The following EMID1 variants were observed in gnomAD, a reference collection of about 807,000 sequenced individuals.
The protein encoded by EMID1 is EMI domain containing 1, also known as EMI domain-containing protein 1.
EMID1 carries 40 observed loss-of-function variants against 60.6 expected under a neutral mutation model. The ratio of observed to expected loss-of-function variants is 0.66; its 90% CI spans 0.51 to 0.86. EMID1 has a LOEUF of 0.86. EMID1 is among the 40% of genes least tolerant of loss of function. The pLI is 0.00. For synonymous variants in EMID1, 242 were observed against 231.0 expected, an observed-to-expected ratio of 1.05 and a Z score of -0.43; for missense variants, 585 against 597.1, an observed-to-expected ratio of 0.98 and a Z score of 0.21.
intron 3 of EMID1, among the ~76,000 whole-genome samples, chr22:29,223,085 C>A (rs909417200): frequency 6.6e-6 from 1 of 151,638 alleles, no homozygotes; most frequent in Non-Finnish European, 1.5e-5. Flanking sequence ...AGCGAGACTC[C>A]GTCTCAAAAA....
chr22:29,240,423 G>A (rs1263418540), intron 12 of EMID1, among the ~76,000 whole-genome samples: 1 of 152,056 alleles, frequency 6.6e-6, no homozygotes, highest in Non-Finnish European at 1.5e-5. Context: ...TGGGGTCCAG[G>A]GTCAAGAACC....
chr22:29,255,457 G>T, intron 14 of EMID1: 1 of 909,190 alleles, frequency 1.1e-6, no homozygotes, highest in Non-Finnish European at 1.5e-6. Context: ...CTTGGCCCAG[G>T]CCAGCGGACA....
At chr22:29,239,586 G>A (rs1287387052) in intron 12 of EMID1, among the ~76,000 whole-genome samples, 1 of 152,172 alleles carries the variant, frequency 6.6e-6, no homozygotes, top group Non-Finnish European at 1.5e-5. Flanking sequence ...AGGTTCTGAT[G>A]TTTGTTGAAT....
chr22:29,259,075 G>T lies in EMID1; in HGVS notation c.*131G>T. On this transcript the variant is annotated 3_prime_UTR_variant, in exon 15 of 15. Coordinates refer to ENST00000334018, the MANE Select transcript of EMID1 (RefSeq NM_133455.4). Reference sequence around the variant, plus strand: ...GGTCCCTTCTGCCATCTAGGCCTTAGGGGTAAGCAGGTCTCAGTCCTGGCA... The same window carrying T: ...GGTCCCTTCTGCCATCTAGGCCTTATGGGTAAGCAGGTCTCAGTCCTGGCA... The T allele has an allele frequency of 7.3e-7, 1 of 1,377,340 alleles. No individual in the cohort carries two copies. Among genetic ancestry groups the T allele is most frequent in the Non-Finnish European group, 9.8e-7 (1 of 1,024,236 alleles). 85.3% of individuals were successfully genotyped at this position (1,377,340 alleles called of 1,614,324 possible). A position where few individuals can be genotyped will look rare whatever the true frequency, so the allele number is the denominator to read the frequency against.
At chr22:29,233,217 C>T in intron 8 of EMID1, 162 bp from the exon 9 acceptor site, 2 of 712,008 alleles carry the variant, frequency 2.8e-6, no homozygotes, top group Non-Finnish European at 4.9e-6. Context: ...GCGGGACCAA[C>T]ACTCTCCACA....
At chr22:29,229,181 A>G (rs570637570) in intron 5 of EMID1, among the ~76,000 whole-genome samples, 15 of 151,916 alleles carry the variant, frequency 9.9e-5, no homozygotes, top group African/African-American at 3.4e-4. Context: ...ATCTCTACAA[A>G]AAATTAGCTA....
At chr22:29,245,944 G>A (rs939742676) in intron 13 of EMID1, among the ~76,000 whole-genome samples, 8 of 152,148 alleles carry the variant, frequency 5.3e-5, no homozygotes, top group Admixed American at 6.5e-5. Flanking sequence ...CCTGGAGCTG[G>A]GCACTGTTTA....
At chr22:29,240,136 T>C (rs2041099939) in intron 12 of EMID1, among the ~76,000 whole-genome samples, 1 of 152,206 alleles carries the variant, frequency 6.6e-6, no homozygotes, top group African/African-American at 2.4e-5. Context: ...TTAGATGAGC[T>C]TGTGCCCTTG....
intron 12 of EMID1, 124 bp from the exon 13 acceptor site, chr22:29,243,321 C>T: frequency 2.1e-6 from 2 of 962,162 alleles, no homozygotes; most frequent in South Asian, 1.6e-5. Flanking sequence ...GTATCCAATA[C>T]AAGCTACTTT....
intron 5 of EMID1, among the ~76,000 whole-genome samples, chr22:29,227,232 A>T (rs2041412532): frequency 1.3e-5 from 2 of 152,078 alleles, no homozygotes; most frequent in Admixed American, 1.3e-4. Context: ...CTGGGACCAT[A>T]GGTGAACAAT....
intron 1 of EMID1, among the ~76,000 whole-genome samples, chr22:29,214,553 C>G (rs2040012325): frequency 6.6e-6 from 1 of 152,162 alleles, no homozygotes; most frequent in Admixed American, 6.5e-5. Flanking sequence ...AGAGGCCACT[C>G]ACTGTAGTTG....
chr22:29,227,253 G>A (rs1158785071), intron 5 of EMID1, among the ~76,000 whole-genome samples: 7 of 151,852 alleles, frequency 4.6e-5, no homozygotes, highest in African/African-American at 1.7e-4. Flanking sequence ...ACCACATCCA[G>A]CTAATTTTTA....
At chr22:29,254,983 C>T (rs767372082) in intron 14 of EMID1, among the ~76,000 whole-genome samples, 47 of 152,296 alleles carry the variant, frequency 3.1e-4, no homozygotes, top group Non-Finnish European at 5.6e-4. Flanking sequence ...CCCTTTGGTC[C>T]TCCTAACCTG....
Position 29,226,541 on chromosome 22 carries a change from T to A in EMID1, c.455T>A (p.Leu152Gln), listed in dbSNP as rs760065887. The A allele has an allele frequency of 6.2e-7, 1 of 1,612,220 alleles. No homozygotes were observed. The highest frequency in any genetic ancestry group is 1.1e-5 in the South Asian group (1 of 90,808). ...GAGCTGACAGAGCGGCTGAAGGTGC[T>A]GGAGGCCAAGGTGGGTGAGCAGCTC... ...VSELTERLKV[L>Q]EAKMTMLTVI... Residue 152 changes from leucine to glutamine, a missense_variant, in exon 5 of 15, where the codon CTG (leucine) becomes CAG (glutamine). Coordinates refer to ENST00000334018, the MANE Select transcript of EMID1 (RefSeq NM_133455.4).
chr22:29,234,589 A>G (rs559468150), intron 12 of EMID1, among the ~76,000 whole-genome samples: 2 of 150,210 alleles, frequency 1.3e-5, no homozygotes, highest in African/African-American at 2.5e-5. Context: ...TGTCTCTTTG[A>G]CTCTGTATTT....
At chr22:29,225,829 C>G (rs1467995837) in intron 4 of EMID1, among the ~76,000 whole-genome samples, 2 of 152,226 alleles carry the variant, frequency 1.3e-5, no homozygotes, top group African/African-American at 4.8e-5. Flanking sequence ...GGGCCAGCAG[C>G]TGGGAGGCTC....
At position 29,233,483 on chromosome 22, in the gene EMID1, G is replaced by A; in HGVS notation, c.913+15G>A. ...AGGGCCCATGGGTAAGTTGAGTCCAGGCCAGGGGTAAAGGGTGAAGTTGGT... is the reference window on the plus strand; with the variant it reads ...AGGGCCCATGGGTAAGTTGAGTCCAAGCCAGGGGTAAAGGGTGAAGTTGGT... On this transcript the variant is annotated intron_variant, in intron 9 of 14. Coordinates refer to ENST00000334018, the MANE Select transcript of EMID1 (RefSeq NM_133455.4). 1 of 1,613,498 alleles carries A rather than the reference G, an allele frequency of 6.2e-7. No individual in the cohort carries two copies. Among genetic ancestry groups the A allele is most frequent in the Non-Finnish European group, 8.5e-7 (1 of 1,179,394 alleles).
At chr22:29,245,037 G>C (rs2041282232) in intron 13 of EMID1, among the ~76,000 whole-genome samples, 1 of 151,646 alleles carries the variant, frequency 6.6e-6, no homozygotes, top group Non-Finnish European at 1.5e-5. Context: ...CTTGATTGTG[G>C]GGTCAGTGAT....
At chr22:29,250,338 C>T (rs1444700449) in intron 13 of EMID1, among the ~76,000 whole-genome samples, 1 of 152,200 alleles carries the variant, frequency 6.6e-6, no homozygotes, top group Non-Finnish European at 1.5e-5. Context: ...TCTCTTTTAA[C>T]TTAGAACAGG....
Sources: gnomAD v4.1 joint callset for allele counts (sites outside exome capture counted in the v4.1 genomes callset) on GRCh38, gnomAD v4.1.1 for gene constraint, MANE v1.5 for transcripts, NCBI Gene and HGNC (gene_info 2026-07-23, HGNC 2026-07-21) for gene names.